Variants in ADGRL3 observed in about 807,000 individuals in gnomAD.
The protein encoded by ADGRL3 is adhesion G protein-coupled receptor L3.
Under a neutral mutation model 153.5 loss-of-function variants are expected in ADGRL3, and 62 were observed. The ratio of observed to expected loss-of-function variants is 0.40; its 90% CI spans 0.33 to 0.50. The LOEUF (loss-of-function observed/expected upper bound fraction) is 0.50, where lower values mean the gene tolerates loss of function less well. Ranked by LOEUF, ADGRL3 falls within the 20% of genes least tolerant of loss-of-function variation. The pLI is 0.47. For missense variants in ADGRL3, 1,641 were observed against 1,859.4 expected, an observed-to-expected ratio of 0.88 and a Z score of 2.16; for synonymous variants, 710 against 672.5, an observed-to-expected ratio of 1.06 and a Z score of -0.86.
chr4:61,649,157 A>T (rs1013439074), intron 5 of ADGRL3, among the ~76,000 whole-genome samples: 2 of 152,060 alleles, frequency 1.3e-5, no homozygotes, highest in African/African-American at 4.8e-5. Context: ...AATGCATGCT[A>T]GTAAATATAG....
chr4:61,227,320 C>G (rs1748446140), intron 1 of ADGRL3, among the ~76,000 whole-genome samples: 3 of 152,116 alleles, frequency 2.0e-5, no homozygotes, highest in Non-Finnish European at 2.9e-5. Flanking sequence ...ATTCTCCCAC[C>G]TCAGCTTCCC....
At chr4:61,892,029 A>G (rs912293666) in intron 9 of ADGRL3, among the ~76,000 whole-genome samples, 5 of 152,222 alleles carry the variant, frequency 3.3e-5, no homozygotes, top group Non-Finnish European at 7.3e-5. Flanking sequence ...TATACTTTAC[A>G]TTAATGAAAA....
intron 2 of ADGRL3, among the ~76,000 whole-genome samples, chr4:61,458,803 G>A (rs140382697): frequency 6.6e-5 from 10 of 151,394 alleles, no homozygotes; most frequent in Admixed American, 6.6e-4. Flanking sequence ...TTTTCTAGAT[G>A]TTCTCTAGAT....
chr4:61,213,359 G>C (rs1480371723), intron 1 of ADGRL3, among the ~76,000 whole-genome samples: 1 of 152,078 alleles, frequency 6.6e-6, no homozygotes, highest in Non-Finnish European at 1.5e-5. Context: ...ATTTGTGCGT[G>C]CTTTTTCCAT....
intron 25 of ADGRL3, among the ~76,000 whole-genome samples, chr4:62,059,023 T>C (rs1395960727): frequency 1.3e-5 from 2 of 152,130 alleles, no homozygotes; most frequent in South Asian, 2.1e-4. Flanking sequence ...GATCTAGGCA[T>C]TGGCAGCAAG....
At chr4:61,482,739 A>G (rs570451312) in intron 2 of ADGRL3, among the ~76,000 whole-genome samples, 9 of 152,266 alleles carry the variant, frequency 5.9e-5, no homozygotes, top group African/African-American at 2.2e-4. Flanking sequence ...ATAAAATTGT[A>G]TTAAAAGTTT....
intron 13 of ADGRL3, among the ~76,000 whole-genome samples, chr4:61,922,338 T>G (rs1321474915): frequency 6.6e-6 from 1 of 152,224 alleles, no homozygotes; most frequent in Non-Finnish European, 1.5e-5. Context: ...TGAAACAGTT[T>G]TAGATTTGTA....
chr4:61,246,067 G>C (rs902805854), intron 1 of ADGRL3, among the ~76,000 whole-genome samples: 2 of 151,876 alleles, frequency 1.3e-5, no homozygotes, highest in Admixed American at 6.6e-5. Flanking sequence ...CTTTTCTACT[G>C]TCTGTTGTCT....
chr4:61,857,866 C>T (rs966675307), intron 9 of ADGRL3, among the ~76,000 whole-genome samples: 1 of 152,114 alleles, frequency 6.6e-6, no homozygotes, highest in African/African-American at 2.4e-5. Flanking sequence ...GCAAGCACCA[C>T]CATTCCCACC....
intron 21 of ADGRL3, among the ~76,000 whole-genome samples, chr4:62,005,035 C>G (rs2151147834): frequency 1.3e-5 from 2 of 152,196 alleles, no homozygotes; most frequent in East Asian, 3.9e-4. Flanking sequence ...TTTAATGACA[C>G]TACTAGACTT....
chr4:61,289,384 C>A (rs2150122847), intron 1 of ADGRL3, among the ~76,000 whole-genome samples: 1 of 152,082 alleles, frequency 6.6e-6, no homozygotes, highest in South Asian at 2.1e-4. Context: ...TATAATTCTA[C>A]CAAACATAAA....
At chr4:61,444,301 T>C (rs190442339) in intron 2 of ADGRL3, among the ~76,000 whole-genome samples, 12 of 152,270 alleles carry the variant, frequency 7.9e-5, no homozygotes, top group Admixed American at 3.9e-4. Context: ...AATTCTTGAA[T>C]CCCAAGCCTT....
At chr4:62,040,678 C>T (rs921450673) in intron 24 of ADGRL3, among the ~76,000 whole-genome samples, 2 of 152,084 alleles carry the variant, frequency 1.3e-5, no homozygotes, top group African/African-American at 4.8e-5. Flanking sequence ...AGACATATAA[C>T]TTCCCCTGTG....
At chr4:61,396,424 AC>A (rs2096869286) in intron 2 of ADGRL3, among the ~76,000 whole-genome samples, 1 of 151,920 alleles carries the variant, frequency 6.6e-6, no homozygotes, top group South Asian at 2.1e-4. Context: ...TAAAAAAAAA[AC>A]TTTTATAGGA....
intron 11 of ADGRL3, among the ~76,000 whole-genome samples, chr4:61,901,118 A>T (rs971197215): frequency 1.3e-5 from 2 of 152,294 alleles, no homozygotes; most frequent in Middle Eastern, 3.4e-3. Flanking sequence ...TTACATGCAA[A>T]GAGAAGTCAG....
chr4:61,373,320 T>G (rs973286283), intron 1 of ADGRL3, among the ~76,000 whole-genome samples: 4 of 152,058 alleles, frequency 2.6e-5, no homozygotes, highest in African/African-American at 9.7e-5. Context: ...AACCACAGCA[T>G]GCTATTCTTA....
chr4:61,548,612 T>G (rs556033580), intron 4 of ADGRL3, among the ~76,000 whole-genome samples: 10 of 152,236 alleles, frequency 6.6e-5, no homozygotes, highest in African/African-American at 2.4e-4. Context: ...TTCTAGACTT[T>G]CTATTTTGTT....
chr4:61,705,531 T>C (rs2095843021), intron 6 of ADGRL3, among the ~76,000 whole-genome samples: 1 of 151,120 alleles, frequency 6.6e-6, no homozygotes, highest in Non-Finnish European at 1.5e-5. Flanking sequence ...AGAGTCTTGC[T>C]CTGTTGCCAA....
intron 5 of ADGRL3, among the ~76,000 whole-genome samples, chr4:61,608,008 G>A (rs886448336): frequency 6.6e-6 from 1 of 152,136 alleles, no homozygotes; most frequent in African/African-American, 2.4e-5. Context: ...CTTCGCAAAG[G>A]TAGTTTCATT....
Sources: gnomAD v4.1 joint callset for allele counts (sites outside exome capture counted in the v4.1 genomes callset) on GRCh38, gnomAD v4.1.1 for gene constraint, MANE v1.5 for transcripts, NCBI Gene and HGNC (gene_info 2026-07-23, HGNC 2026-07-21) for gene names.